The following ZNF438 variants were observed in gnomAD, a reference collection of about 807,000 sequenced individuals.
ZNF438 encodes the protein zinc finger protein 438.
ZNF438 carries 25 observed loss-of-function variants against 38.0 expected under a neutral mutation model. The observed-to-expected ratio is 0.66, with a 90% CI of 0.48 to 0.92. The LOEUF (loss-of-function observed/expected upper bound fraction) is 0.92. Among genes scored for constraint, ZNF438 ranks in the 40% least tolerant of loss-of-function variants. ZNF438 has a pLI of 0.00. For synonymous variants in ZNF438, 372 were observed against 364.1 expected (o/e 1.02, Z -0.25); for missense variants, 1,007 against 999.6 (o/e 1.01, Z -0.10).
chr10:30,949,596 T>C (rs1486293459), intron 1 of ZNF438, among the ~76,000 whole-genome samples: 5 of 152,156 alleles, frequency 3.3e-5, no homozygotes, highest in Non-Finnish European at 7.3e-5. Context: ...GCAGGGGTTG[T>C]AATACTAGTC....
intron 1 of ZNF438, among the ~76,000 whole-genome samples, chr10:30,969,362 A>G (rs2050495046): frequency 6.6e-6 from 1 of 152,212 alleles, no homozygotes; most frequent in Admixed American, 6.5e-5. Flanking sequence ...ATATCACTAA[A>G]TAACAGTAAA....
chr10:30,955,557 G>A (rs1001841022), intron 1 of ZNF438, among the ~76,000 whole-genome samples: 1 of 152,216 alleles, frequency 6.6e-6, no homozygotes, highest in African/African-American at 2.4e-5. Context: ...GAAAGGTCAT[G>A]TAGACTTAGC....
chr10:30,864,867 C>T (rs1415879374), intron 4 of ZNF438, among the ~76,000 whole-genome samples: 4 of 152,142 alleles, frequency 2.6e-5, no homozygotes, highest in Non-Finnish European at 5.9e-5. Flanking sequence ...ACTAAAATGC[C>T]CCTCAGTCAG....
chr10:30,953,393 AAAGTAT>A (rs1377805687), intron 1 of ZNF438, among the ~76,000 whole-genome samples: 1 of 151,274 alleles, frequency 6.6e-6, no homozygotes, highest in Admixed American at 6.6e-5. Flanking sequence ...CCTAAAACTT[AAAGTAT>A]AATAAAAAAA....
chr10:30,911,681 C>G (rs1412586366), intron 2 of ZNF438, among the ~76,000 whole-genome samples: 2 of 152,130 alleles, frequency 1.3e-5, no homozygotes, highest in African/African-American at 4.8e-5. Flanking sequence ...AACACAAGAG[C>G]CAGCCTCTTT....
At chr10:30,887,639 C>T (rs765929084) in intron 3 of ZNF438, among the ~76,000 whole-genome samples, 3 of 152,170 alleles carry the variant, frequency 2.0e-5, no homozygotes, top group Non-Finnish European at 2.9e-5. Context: ...CTGCCCATCT[C>T]GGCCTCCCAA....
At chr10:30,944,400 C>G (rs990712453) in intron 1 of ZNF438, among the ~76,000 whole-genome samples, 1 of 152,088 alleles carries the variant, frequency 6.6e-6, no homozygotes, top group African/African-American at 2.4e-5. Flanking sequence ...TTAAAGAGTT[C>G]AGAGGTAAGA....
At chr10:30,901,445 G>C (rs2041972925) in intron 3 of ZNF438, among the ~76,000 whole-genome samples, 1 of 151,766 alleles carries the variant, frequency 6.6e-6, no homozygotes, top group Non-Finnish European at 1.5e-5. Flanking sequence ...GTTCCGCTGA[G>C]TCGGGGGTTG....
chr10:30,967,600 C>T (rs2050260426), intron 1 of ZNF438, among the ~76,000 whole-genome samples: 1 of 152,246 alleles, frequency 6.6e-6, no homozygotes, highest in Non-Finnish European at 1.5e-5. Context: ...AACCTGACAA[C>T]AAATATGGCT....
intron 2 of ZNF438, among the ~76,000 whole-genome samples, chr10:30,917,062 T>C (rs1167514703): frequency 6.6e-6 from 1 of 152,078 alleles, no homozygotes; most frequent in Non-Finnish European, 1.5e-5. Flanking sequence ...TTTTTACAAA[T>C]GCATATACCT....
chr10:31,021,880 T>C (rs1001893871), intron 1 of ZNF438, among the ~76,000 whole-genome samples: 11 of 152,122 alleles, frequency 7.2e-5, no homozygotes, highest in African/African-American at 2.4e-4. Context: ...TTGAGAGCAA[T>C]CATTGAAGTT....
intron 1 of ZNF438, among the ~76,000 whole-genome samples, chr10:30,970,091 GA>G (rs1231697514): frequency 1.4e-5 from 2 of 144,474 alleles, no homozygotes; most frequent in Admixed American, 7.1e-5. Context: ...TCAGCCAGAA[GA>G]AATGCTGGCT....
intron 1 of ZNF438, among the ~76,000 whole-genome samples, chr10:30,970,825 AGGCT>A (rs2050661590): frequency 6.6e-6 from 1 of 152,226 alleles, no homozygotes; most frequent in Admixed American, 6.5e-5. Flanking sequence ...TCACAGGCAT[AGGCT>A]TTTCAAACCA....
Position 30,877,017 on chromosome 10 carries a change from T to G in ZNF438, c.18A>C (p.Ser6=). ...ACTTACCTTCATCTTTTGGTGGTAC[T>G]GATACAGAATTCTGCATTATGATGT... Residue 6 remains serine, a synonymous_variant, in exon 4 of 6, where the codon TCA becomes TCC. Transcript: ENST00000413025. The G allele has an allele frequency of 2.5e-6, 4 of 1,606,354 alleles. No individual in the cohort carries two copies. The South Asian group carries it at 4.5e-5, about 18-fold the overall frequency.
intron 3 of ZNF438, among the ~76,000 whole-genome samples, chr10:30,896,170 C>G (rs960686365): frequency 1.3e-5 from 2 of 151,870 alleles, no homozygotes; most frequent in Non-Finnish European, 2.9e-5. Context: ...GTGACGGGCA[C>G]CTGTAGTCCC....
intron 1 of ZNF438, among the ~76,000 whole-genome samples, chr10:30,977,866 C>A (rs150001587): frequency 0.012 from 1,751 of 151,434 alleles, 30 homozygotes; most frequent in African/African-American, 0.039. Context: ...ACCTGTAGTC[C>A]CAGCTACTCA....
chr10:30,929,025 G>A (rs1190271772), intron 2 of ZNF438, among the ~76,000 whole-genome samples: 1 of 152,154 alleles, frequency 6.6e-6, no homozygotes, highest in Non-Finnish European at 1.5e-5. Context: ...TAACTGATGA[G>A]ATCTACCTCT....
chr10:30,914,419 A>T (rs979414603), intron 2 of ZNF438, among the ~76,000 whole-genome samples: 1 of 151,988 alleles, frequency 6.6e-6, no homozygotes, highest in African/African-American at 2.4e-5. Flanking sequence ...GAAGCTACAC[A>T]TGTGATAAAA....
intron 2 of ZNF438, among the ~76,000 whole-genome samples, chr10:30,917,277 G>C (rs2043754259): frequency 6.6e-6 from 1 of 152,046 alleles, no homozygotes; most frequent in South Asian, 2.1e-4. Context: ...TTTCTGGCTA[G>C]TATGATTGAA....
Sources: gnomAD v4.1 joint callset for allele counts (sites outside exome capture counted in the v4.1 genomes callset) on GRCh38, gnomAD v4.1.1 for gene constraint, MANE v1.5 for transcripts, NCBI Gene and HGNC (gene_info 2026-07-23, HGNC 2026-07-21) for gene names.